Variants in WASF2 observed in about 807,000 individuals in gnomAD.
WASF2 encodes actin-binding protein WASF2.
A neutral mutation model predicts 45.0 loss-of-function variants in WASF2; 14 were observed. The ratio of observed to expected loss-of-function variants is 0.31; its 90% CI spans 0.21 to 0.49. The LOEUF (loss-of-function observed/expected upper bound fraction) is 0.49. Ranked by LOEUF, WASF2 falls within the 20% of genes least tolerant of loss-of-function variation. WASF2 has a pLI of 0.99. For synonymous variants in WASF2, 200 were observed against 236.3 expected, an observed-to-expected ratio of 0.85 and a Z score of 1.41; for missense variants, 439 against 636.1, an observed-to-expected ratio of 0.69 and a Z score of 3.33.
At chr1:27,476,556 A>T (rs761710823) in intron 1 of WASF2, among the ~76,000 whole-genome samples, 1 of 152,082 alleles carries the variant, frequency 6.6e-6, no homozygotes, top group East Asian at 1.9e-4. Flanking sequence ...ACTACATCAC[A>T]TGGTATAATG....
At position 27,405,300 on chromosome 1, in the gene WASF2, G is replaced by A. The variant is rs2016651917; in HGVS notation, c.*2889C>T. 1 of 152,264 alleles carries A rather than the reference G, an allele frequency of 6.6e-6. No individual in the cohort carries two copies. The highest frequency in any genetic ancestry group is 2.4e-5 in the African/African-American group (1 of 41,440). 9.4% of individuals were successfully genotyped at this position (152,264 alleles called of 1,614,324 possible). A position where few individuals can be genotyped will look rare whatever the true frequency, so the allele number is the denominator to read the frequency against. Reference sequence around the variant, plus strand: ...GCCCCCTCCCCCAGGCTGCTCCTTTGGAATGTACCCATCTCACAACCAAGG... The same window carrying A: ...GCCCCCTCCCCCAGGCTGCTCCTTTAGAATGTACCCATCTCACAACCAAGG... On this transcript the variant is annotated 3_prime_UTR_variant, in exon 9 of 9. Transcript: ENST00000618852.
chr1:27,481,586 C>A (rs1012786791), intron 1 of WASF2, among the ~76,000 whole-genome samples: 1 of 151,908 alleles, frequency 6.6e-6, no homozygotes, highest in Non-Finnish European at 1.5e-5. Context: ...GTAATCGCAG[C>A]TACTTAGCTC....
intron 2 of WASF2, among the ~76,000 whole-genome samples, chr1:27,419,482 G>A (rs771234696): frequency 2.0e-5 from 3 of 152,226 alleles, no homozygotes; most frequent in African/African-American, 7.2e-5. Flanking sequence ...AGGCGTGCTG[G>A]CAGGCACCTA....
chr1:27,477,895 T>A, intron 1 of WASF2, among the ~76,000 whole-genome samples: 4 of 111,248 alleles, frequency 3.6e-5, no homozygotes, highest in Non-Finnish European at 3.7e-5. Flanking sequence ...CGAGACTCCG[T>A]CTCAAAAAAA....
At chr1:27,462,636 C>T (rs544590310) in intron 1 of WASF2, among the ~76,000 whole-genome samples, 45 of 152,066 alleles carry the variant, frequency 3.0e-4, no homozygotes, top group Non-Finnish European at 5.4e-4. Context: ...AAATTTTTCC[C>T]TCAACCCAGA....
intron 1 of WASF2, 68 bp from the exon 2 acceptor site, chr1:27,429,001 C>CTTTTT: frequency 1.4e-6 from 1 of 719,378 alleles, no homozygotes; most frequent in Non-Finnish European, 2.0e-6. Flanking sequence ...CTGTGTGAAT[C>CTTTTT]TTTTTTTTTT....
intron 2 of WASF2, among the ~76,000 whole-genome samples, chr1:27,425,358 G>A (rs1246047283): frequency 6.6e-6 from 1 of 151,914 alleles, no homozygotes; most frequent in Admixed American, 6.6e-5. Flanking sequence ...AGAGTACTGG[G>A]ATTACAGGTG....
rs372271798 is a variant in WASF2, at chr1:27,409,717, G to A, written c.1314C>T (p.Ser438=). The A allele has an allele frequency of 3.3e-6, 5 of 1,503,144 alleles. No individual in the cohort carries two copies. In the African/African-American group the frequency reaches 4.2e-5, roughly 13 times the overall value. The allele number at this position is 1,503,144 out of a possible 1,614,324, so 93.1% of individuals were successfully genotyped here. The change falls in exon 8 of 9, where the codon AGC becomes AGT. Residue 438 remains serine, a synonymous_variant. Coordinates refer to ENST00000618852, the MANE Select transcript of WASF2 (RefSeq NM_006990.5). ...SSLPAVSDAR[S]DLLSAIRQGF... ...CTTGACGGATGGCTGAAAGCAGGTC[G>A]CTACGGGCATCGCTCACGGCAGGCA...
chr1:27,472,739 T>C (rs1243131381), intron 1 of WASF2, among the ~76,000 whole-genome samples: 2 of 148,010 alleles, frequency 1.4e-5, no homozygotes, highest in Non-Finnish European at 3.0e-5. Flanking sequence ...AAGGCAAGGA[T>C]TGCTTGAGGC....
At chr1:27,465,070 G>A (rs1008008132) in intron 1 of WASF2, among the ~76,000 whole-genome samples, 3 of 152,136 alleles carry the variant, frequency 2.0e-5, no homozygotes, top group Non-Finnish European at 4.4e-5. Context: ...AAAGACGCAA[G>A]GAAACACATT....
At position 27,428,864 on chromosome 1, in the gene WASF2, C is replaced by A; in HGVS notation, c.27G>T (p.Glu9Asp). ...ACGTCTGACGGCACAGGTGCCTTGG[C>A]TCGATGTTCCTCGTTACTAACGGCA... MPLVTRNI[E>D]PRHLCRQTLP... The change falls in exon 2 of 9, where the codon GAG (glutamate) becomes GAT (aspartate). Residue 9 changes from glutamate to aspartate, a missense_variant. Glu to Asp is a conservative substitution (Grantham distance 45). Around this residue, in one of 5 missense-constraint regions of WASF2, gnomAD observed 16 missense variants for 21.1 expected, o/e 0.76. Transcript: ENST00000618852. 3.1e-6 allele frequency: 5 copies of A among 1,614,130 alleles called. No individual in the cohort carries two copies. The highest frequency in any genetic ancestry group is 4.2e-6 in the Non-Finnish European group (5 of 1,180,032).
At chr1:27,408,478 T>G (rs1455668034) in intron 8 of WASF2, 132 bp from the exon 9 acceptor site, 3 of 1,260,178 alleles carry the variant, frequency 2.4e-6, no homozygotes, top group Non-Finnish European at 3.2e-6. Context: ...AAGGTTGTTA[T>G]GGAAAAGCAG....
chr1:27,450,502 CT>C (rs1291952727), intron 1 of WASF2, among the ~76,000 whole-genome samples: 1 of 151,820 alleles, frequency 6.6e-6, no homozygotes, highest in South Asian at 2.1e-4. Flanking sequence ...CTCCCAGACT[CT>C]TTTTTGTTTT....
chr1:27,469,301 C>T (rs1368050364), intron 1 of WASF2, among the ~76,000 whole-genome samples: 4 of 152,148 alleles, frequency 2.6e-5, no homozygotes, highest in Non-Finnish European at 4.4e-5. Flanking sequence ...CACTATATCA[C>T]CCTCTCCACA....
At chr1:27,459,410 C>T (rs1161530047) in intron 1 of WASF2, 1 of 151,956 alleles carries the variant, frequency 6.6e-6, no homozygotes, top group East Asian at 1.9e-4. Context: ...GATCCAGCCT[C>T]CTAAAGTGCT....
At chr1:27,430,606 A>G (rs1029037194) in intron 1 of WASF2, among the ~76,000 whole-genome samples, 9 of 151,440 alleles carry the variant, frequency 5.9e-5, no homozygotes, top group African/African-American at 2.2e-4. Context: ...AGCCTCCCAA[A>G]GTGCTGGGAC....
chr1:27,446,889 G>A (rs895320311), intron 1 of WASF2, among the ~76,000 whole-genome samples: 10 of 152,100 alleles, frequency 6.6e-5, no homozygotes, highest in Middle Eastern at 6.8e-3. Context: ...GGGACCACCC[G>A]TGAGCATTCT....
chr1:27,409,425 C>T (rs750894449), intron 8 of WASF2, among the ~76,000 whole-genome samples: 1 of 88,768 alleles, frequency 1.1e-5, no homozygotes, highest in African/African-American at 5.5e-5. Context: ...ACTCTGTCCC[C>T]CACAAAAAAA....
rs2016852873 is a variant in WASF2 at position 27,418,287 on chromosome 1, T to C, written c.401A>G (p.Asn134Ser). Residue 134 changes from asparagine (N) to serine (S), a missense_variant, in exon 4 of 9, where the codon AAC becomes AGC. Transcript: ENST00000618852. ...CCATTACCTGTAAGGGGTAAGATTG[T>C]TGAGAGGGGGAGGAGTATCACAGGT... ...YNTCDTPPPL[N>S]NLTPYRDDGK... is the part of the protein sequence containing the mutation. The C allele has an allele frequency of 1.9e-6, 3 of 1,613,950 alleles. No individual in the cohort carries two copies. The highest frequency in any genetic ancestry group is 1.3e-5 in the African/African-American group (1 of 74,908).
Sources: gnomAD v4.1 joint callset for allele counts (sites outside exome capture counted in the v4.1 genomes callset) on GRCh38, gnomAD v4.1.1 for gene constraint, gnomAD v4.1.1 regional missense constraint, MANE v1.5 for transcripts, NCBI Gene and HGNC (gene_info 2026-07-23, HGNC 2026-07-21) for gene names.